The following RAPGEF1 variants were observed in gnomAD, a reference collection of about 807,000 sequenced individuals.
RAPGEF1 encodes the protein CRK SH3-binding GNRP.
RAPGEF1 carries 33 observed loss-of-function variants against 143.3 expected under a neutral mutation model. The ratio of observed to expected loss-of-function variants is 0.23; its 90% CI spans 0.17 to 0.31. The LOEUF (loss-of-function observed/expected upper bound fraction) is 0.31. Among genes scored for constraint, RAPGEF1 ranks in the 10% least tolerant of loss-of-function variants. RAPGEF1 has a pLI of 1.00. For synonymous variants in RAPGEF1, 629 were observed against 676.5 expected, an observed-to-expected ratio of 0.93 and a Z score of 1.09; for missense variants, 1,199 against 1,645.4, an observed-to-expected ratio of 0.73 and a Z score of 4.69.
At chr9:131,590,244 C>T (rs764290760) in intron 18 of RAPGEF1, among the ~76,000 whole-genome samples, 30 of 152,168 alleles carry the variant, frequency 2.0e-4, no homozygotes, top group Non-Finnish European at 3.5e-4. Context: ...TGTCCAGACC[C>T]GCCTTTCCAT....
At chr9:131,586,429 G>C (rs1322891485) in intron 22 of RAPGEF1, among the ~76,000 whole-genome samples, 6 of 74,790 alleles carry the variant, frequency 8.0e-5, no homozygotes, top group Admixed American at 1.3e-4. Flanking sequence ...CCTGCAGAGC[G>C]AGACTCCGTC....
intron 18 of RAPGEF1, among the ~76,000 whole-genome samples, chr9:131,590,298 A>G (rs1588235178): frequency 6.6e-6 from 1 of 151,216 alleles, no homozygotes; most frequent in Non-Finnish European, 1.5e-5. Flanking sequence ...ACACGTAGAG[A>G]GTGCCTTGCT....
intron 1 of RAPGEF1, chr9:131,737,602 C>G (rs557359947): frequency 6.7e-7 from 1 of 1,483,288 alleles, no homozygotes; most frequent in East Asian, 2.5e-5. Flanking sequence ...GCAGAGAACT[C>G]AAATGAAGAG....
chr9:131,622,995 TG>T (rs1013023451), intron 10 of RAPGEF1, among the ~76,000 whole-genome samples: 2 of 152,178 alleles, frequency 1.3e-5, no homozygotes, highest in African/African-American at 4.8e-5. Context: ...CTTGAACTCC[TG>T]AACTCAGGTA....
At chr9:131,581,034 C>T (rs140127745) in intron 25 of RAPGEF1, among the ~76,000 whole-genome samples, 1 of 151,752 alleles carries the variant, frequency 6.6e-6, no homozygotes, top group Non-Finnish European at 1.5e-5. Flanking sequence ...CATCCCAACT[C>T]GGGAGGCTGA....
At chr9:131,718,004 T>C (rs999376621) in intron 1 of RAPGEF1, among the ~76,000 whole-genome samples, 3 of 152,116 alleles carry the variant, frequency 2.0e-5, no homozygotes, top group African/African-American at 7.2e-5. Flanking sequence ...ACCAAAACCC[T>C]ACCGCAGGAT....
At chr9:131,634,713 C>CAAAAAAAAAAA (rs35405559) in intron 5 of RAPGEF1, among the ~76,000 whole-genome samples, 12 of 61,218 alleles carry the variant, frequency 2.0e-4, no homozygotes, top group East Asian at 5.5e-4. Flanking sequence ...GACTCCGTCT[C>CAAAAAAAAAAA]AAAAAAAAAA....
In RAPGEF1 at chr9:131,588,887, C is replaced by G. The variant is rs1437564472; in HGVS notation, c.2967G>C (p.Lys989Asn). The G allele has an allele frequency of 1.9e-6, 3 of 1,613,928 alleles. No individual in the cohort carries two copies. The highest frequency in any genetic ancestry group is 2.5e-6 in the Non-Finnish European group (3 of 1,179,860). Residue 989 changes from lysine to asparagine, a missense_variant, in exon 20 of 27, where the codon AAG (lysine) becomes AAC (asparagine). By Grantham distance (94) the Lys-to-Asn change is moderately conservative. Around this residue, in one of 6 missense-constraint regions of RAPGEF1, gnomAD observed 209 missense variants for 403.0 expected, o/e 0.52. Transcript: ENST00000683357. Reference sequence around the variant, plus strand: ...TCTGGTCCACCTTGTCCAGGATGTTCTTCCGGAGCACACGGGCCAGGCTCA... The same window carrying G: ...TCTGGTCCACCTTGTCCAGGATGTTGTTCCGGAGCACACGGGCCAGGCTCA... Reference protein sequence around the residue: ...GELSLARVLRKNILDKVDQKK... With the variant: ...GELSLARVLRNNILDKVDQKK...
intron 1 of RAPGEF1, among the ~76,000 whole-genome samples, chr9:131,731,461 G>GT (rs1271565380): frequency 1.3e-5 from 2 of 152,158 alleles, no homozygotes; most frequent in East Asian, 3.8e-4. Context: ...TTGTTTGCTC[G>GT]TTTGGGGTCA....
At chr9:131,585,696 G>T (rs1952610856) in intron 22 of RAPGEF1, among the ~76,000 whole-genome samples, 1 of 151,970 alleles carries the variant, frequency 6.6e-6, no homozygotes, top group African/African-American at 2.4e-5. Context: ...GCAAACGGGA[G>T]ATGATCTCGG....
chr9:131,629,346 G>A, intron 6 of RAPGEF1, 92 bp from the exon 7 acceptor site: 1 of 1,298,034 alleles, frequency 7.7e-7, no homozygotes, highest in Non-Finnish European at 1.1e-6. Context: ...TGACCAGGAA[G>A]AACACAGTGG....
chr9:131,620,944 A>T (rs1960777053), intron 11 of RAPGEF1, among the ~76,000 whole-genome samples: 1 of 152,228 alleles, frequency 6.6e-6, no homozygotes, highest in Admixed American at 6.5e-5. Flanking sequence ...ACACGAGAGC[A>T]GCAGCCCAGG....
At chr9:131,595,979 A>C (rs1955208999) in intron 17 of RAPGEF1, among the ~76,000 whole-genome samples, 1 of 152,208 alleles carries the variant, frequency 6.6e-6, no homozygotes, top group Admixed American at 6.5e-5. Flanking sequence ...TCTTAAGTTT[A>C]GTACTACTGG....
intron 1 of RAPGEF1, chr9:131,709,944 G>A: frequency 4.1e-6 from 4 of 985,306 alleles, no homozygotes; most frequent in Non-Finnish European, 4.8e-6. Flanking sequence ...TCTCAGGCAT[G>A]GTCTATATTA....
At chr9:131,618,974 C>G (rs1959810160) in intron 12 of RAPGEF1, 77 bp downstream of exon 12, 1 of 1,242,826 alleles carries the variant, frequency 8.0e-7, no homozygotes, top group African/African-American at 1.5e-5. Flanking sequence ...CAGCAGAACA[C>G]ATGGCTGAGG....
chr9:131,630,817 G>A (rs1267123873), intron 5 of RAPGEF1, among the ~76,000 whole-genome samples: 1 of 152,114 alleles, frequency 6.6e-6, no homozygotes, highest in East Asian at 1.9e-4. Flanking sequence ...TCAATGGAGA[G>A]GGAGTTAAGG....
chr9:131,584,459 CCGGG>C lies in RAPGEF1; in HGVS notation c.3313-51_3313-48del. 6.2e-7 allele frequency: 1 copy of C among 1,613,300 alleles called. No homozygotes were observed. The highest frequency in any genetic ancestry group is 8.5e-7 in the Non-Finnish European group (1 of 1,179,228). On this transcript the variant is annotated intron_variant, in intron 23 of 26. Transcript: ENST00000683357. The surrounding 1 kb of genome is among the most constrained non-coding windows in gnomAD (Gnocchi z 6.8). ...CGTGAGGCAGGAGGGCAGGCGGGTC[CCGGG>C]CTCCCAGAGCAGGGACTGATGATGG...
At chr9:131,623,154 C>T (rs1961742676) in intron 10 of RAPGEF1, among the ~76,000 whole-genome samples, 1 of 152,134 alleles carries the variant, frequency 6.6e-6, no homozygotes, top group African/African-American at 2.4e-5. Flanking sequence ...CAAGCACCCA[C>T]AAACTGCTCC....
chr9:131,700,518 C>T (rs1589047762), intron 1 of RAPGEF1, among the ~76,000 whole-genome samples: 1 of 152,308 alleles, frequency 6.6e-6, no homozygotes, highest in East Asian at 1.9e-4. Context: ...CATTAGGTAT[C>T]CCCCGTGCCT....
Sources: allele counts gnomAD v4.1 joint callset (sites outside exome capture counted in the v4.1 genomes callset), GRCh38; gene constraint gnomAD v4.1.1; regional missense constraint gnomAD v4.1.1; non-coding constraint Gnocchi (gnomAD v3.1); transcripts MANE v1.5; gene names NCBI Gene and HGNC (gene_info 2026-07-23, HGNC 2026-07-21).